Variants in PCDH15 observed in about 807,000 individuals in gnomAD.
PCDH15 encodes protocadherin-15.
PCDH15 carries 129 observed loss-of-function variants against 178.5 expected under a neutral mutation model. The observed-to-expected ratio is 0.72, with a 90% CI of 0.63 to 0.84. The LOEUF (loss-of-function observed/expected upper bound fraction) is 0.84. PCDH15 is among the 40% of genes least tolerant of loss of function. The pLI is 0.00. For missense variants in PCDH15, 2,230 were observed against 2,099.9 expected (o/e 1.06, Z -1.21); for synonymous variants, 800 against 732.0 (o/e 1.09, Z -1.50).
Position 55,591,018 on chromosome 10 carries a change from A to G in PCDH15, c.-156+36607T>C, listed in dbSNP as rs1842833202. On this transcript the variant is annotated intron_variant, in intron 2 of 5. Coordinates refer to the PCDH15 transcript ENST00000613346. Reference sequence around the variant, plus strand: ...CCAATTATCAAAAAATAAATAAAACAAAATCTCACAAAGAGGTTCCATTGC... The same window carrying G: ...CCAATTATCAAAAAATAAATAAAACGAAATCTCACAAAGAGGTTCCATTGC... Among the ~76,000 whole-genome samples the G allele has an allele frequency of 5.9e-5, 9 of 152,292 alleles. No individual in the cohort carries two copies. The South Asian group carries it at 1.9e-3, about 32-fold the overall frequency.
intron 2 of PCDH15, among the ~76,000 whole-genome samples, chr10:55,058,781 T>C (rs1385908014): frequency 1.3e-5 from 2 of 152,196 alleles, no homozygotes; most frequent in African/African-American, 2.4e-5. Flanking sequence ...GAGGCTAGTA[T>C]TCATTTTAGA....
chr10:55,343,063 T>G (rs1379112252), intron 2 of PCDH15, among the ~76,000 whole-genome samples: 2 of 152,152 alleles, frequency 1.3e-5, no homozygotes, highest in Non-Finnish European at 2.9e-5. Context: ...AATATGGGTC[T>G]CTGAACAAAA....
At chr10:54,947,629 G>C (rs1838227314) in intron 2 of PCDH15, among the ~76,000 whole-genome samples, 1 of 151,882 alleles carries the variant, frequency 6.6e-6, no homozygotes. Context: ...GTGTGTGTAT[G>C]TGTTTGTATT....
At chr10:54,267,526 T>C (rs1359169507) in intron 8 of PCDH15, among the ~76,000 whole-genome samples, 1 of 151,856 alleles carries the variant, frequency 6.6e-6, no homozygotes, top group African/African-American at 2.4e-5. Context: ...TAGAAAACCC[T>C]AATGATTCTG....
In PCDH15 at chr10:53,867,396, A is replaced by G. The variant is rs549597989; in HGVS notation, c.3502-539T>C. ...AGAAGAAGGATATCGAATTTTCCCA[A>G]CACAAAGAAGTGATAACTGTTTGAG... On this transcript the variant is annotated intron_variant, in intron 26 of 37. Coordinates refer to ENST00000644397, the MANE Select transcript of PCDH15 (RefSeq NM_001384140.1). Among the ~76,000 whole-genome samples, 4 of 152,234 alleles carry G rather than the reference A, an allele frequency of 2.6e-5. No individual in the cohort carries two copies. The South Asian group carries it at 8.3e-4, about 32-fold the overall frequency.
intron 2 of PCDH15, among the ~76,000 whole-genome samples, chr10:55,076,160 A>C (rs1195076189): frequency 6.6e-6 from 1 of 152,190 alleles, no homozygotes; most frequent in Non-Finnish European, 1.5e-5. Context: ...CATATGGCCT[A>C]TTCTAGAGAC....
chr10:54,467,539 C>A (rs1355897480), intron 3 of PCDH15, among the ~76,000 whole-genome samples: 1 of 137,006 alleles, frequency 7.3e-6, no homozygotes, highest in East Asian at 2.3e-4. Flanking sequence ...CTGTTTGTTT[C>A]AATTTGATAG....
intron 1 of PCDH15, among the ~76,000 whole-genome samples, chr10:55,274,857 G>C (rs1842545814): frequency 6.6e-6 from 1 of 151,952 alleles, no homozygotes; most frequent in African/African-American, 2.4e-5. Flanking sequence ...TTCAAAATAG[G>C]GTCCCCGCTC....
chr10:54,276,437 C>T (rs2058355571), intron 8 of PCDH15, among the ~76,000 whole-genome samples: 1 of 151,550 alleles, frequency 6.6e-6, no homozygotes, highest in Non-Finnish European at 1.5e-5. Flanking sequence ...AATTAAATTG[C>T]CAATAACATT....
At chr10:55,060,093 A>G (rs568026575) in intron 2 of PCDH15, among the ~76,000 whole-genome samples, 5 of 152,194 alleles carry the variant, frequency 3.3e-5, no homozygotes, top group African/African-American at 9.6e-5. Flanking sequence ...GTAATAATAG[A>G]ATACACATAA....
At chr10:54,535,911 G>T (rs2084469623) in intron 2 of PCDH15, among the ~76,000 whole-genome samples, 1 of 151,938 alleles carries the variant, frequency 6.6e-6, no homozygotes, top group Non-Finnish European at 1.5e-5. Flanking sequence ...GTTAATCTTT[G>T]TATTCATACA....
At chr10:55,527,467 T>C (rs142868999) in intron 2 of PCDH15, among the ~76,000 whole-genome samples, 2 of 152,086 alleles carry the variant, frequency 1.3e-5, no homozygotes, top group East Asian at 3.9e-4. Context: ...TTATGTAGAT[T>C]AGGGTCGATT....
intron 2 of PCDH15, among the ~76,000 whole-genome samples, chr10:54,943,353 C>T (rs527702318): frequency 6.6e-6 from 1 of 152,070 alleles, no homozygotes; most frequent in African/African-American, 2.4e-5. Flanking sequence ...ATTCTTAAGA[C>T]ATTTTGTGAT....
Position 54,816,205 on chromosome 10 carries a change from G to C in PCDH15, c.-29+81245C>G, listed in dbSNP as rs567932621. On this transcript the variant is annotated intron_variant, in intron 3 of 5. Transcript: ENST00000458638. ...ACCTATGAAAGTGCCTGACATATTG[G>C]AGATGTTGACTATATATTTATGTAG... 2.6e-5 allele frequency among the ~76,000 whole-genome samples: 4 copies of C among 152,048 alleles called. No homozygotes were observed. The East Asian group carries it at 7.7e-4, about 29-fold the overall frequency.
intron 1 of PCDH15, among the ~76,000 whole-genome samples, chr10:54,686,024 AG>A (rs1221881063): frequency 6.7e-6 from 1 of 149,850 alleles, no homozygotes; most frequent in East Asian, 2.0e-4. Context: ...TCCAAATCCA[AG>A]GGAGCAAGAC....
At chr10:54,268,855 A>G (rs1398072059) in intron 8 of PCDH15, among the ~76,000 whole-genome samples, 4 of 151,904 alleles carry the variant, frequency 2.6e-5, no homozygotes, top group African/African-American at 7.2e-5. Context: ...GATGAACAGG[A>G]TTTTTCAATA....
intron 3 of PCDH15, among the ~76,000 whole-genome samples, chr10:54,454,065 G>T (rs1030537689): frequency 1.3e-4 from 19 of 150,234 alleles, no homozygotes; most frequent in African/African-American, 4.4e-4. Context: ...AAATATAACA[G>T]ATTTATAGAT....
At chr10:54,535,490 C>G (rs1029768738) in intron 2 of PCDH15, among the ~76,000 whole-genome samples, 2 of 151,970 alleles carry the variant, frequency 1.3e-5, no homozygotes, top group African/African-American at 4.8e-5. Context: ...ACAGGCGGAT[C>G]ACAAGGTCAG....
At chr10:54,251,902 C>A (rs1564792655) in intron 8 of PCDH15, among the ~76,000 whole-genome samples, 1 of 151,884 alleles carries the variant, frequency 6.6e-6, no homozygotes, top group Admixed American at 6.6e-5. Flanking sequence ...AATTTTATTT[C>A]TTATCCAAAC....
Sources: allele counts gnomAD v4.1 joint callset (sites outside exome capture counted in the v4.1 genomes callset), GRCh38; gene constraint gnomAD v4.1.1; transcripts MANE v1.5; gene names NCBI Gene and HGNC (gene_info 2026-07-23, HGNC 2026-07-21).